GMDS: variants seen among roughly 807,000 people sequenced by gnomAD.
GMDS encodes the protein GDP-mannose 4,6-dehydratase, also known as GDP-mannose 4,6 dehydratase.
In GMDS, 20 loss-of-function variants were observed where a neutral mutation model predicts 49.9. The ratio of observed to expected loss-of-function variants is 0.40; its 90% CI spans 0.28 to 0.58. GMDS has a LOEUF of 0.58. GMDS is among the 20% of genes least tolerant of loss of function. The probability of loss-of-function intolerance (pLI) is 0.42; values close to 1 mark genes in which losing one functional copy is unlikely to be tolerated. For missense variants in GMDS, 362 were observed against 481.4 expected (o/e 0.75, Z 2.32); for synonymous variants, 177 against 178.6 (o/e 0.99, Z 0.07).
At chr6:1,922,615 C>G (rs1385611320) in intron 7 of GMDS, among the ~76,000 whole-genome samples, 1 of 152,178 alleles carries the variant, frequency 6.6e-6, no homozygotes, top group Non-Finnish European at 1.5e-5. Context: ...GATAGCCCGT[C>G]CTGTACCCCA....
At chr6:1,788,444 G>A (rs1769403143) in intron 7 of GMDS, among the ~76,000 whole-genome samples, 3 of 152,198 alleles carry the variant, frequency 2.0e-5, no homozygotes, top group Admixed American at 1.3e-4. Context: ...TTCATTCACA[G>A]GCTTTACTAT....
chr6:1,740,165 T>C (rs545736429), intron 8 of GMDS, among the ~76,000 whole-genome samples: 1 of 152,206 alleles, frequency 6.6e-6, no homozygotes. Flanking sequence ...GTTATTCACA[T>C]ATACAATATA....
intron 4 of GMDS, among the ~76,000 whole-genome samples, chr6:2,062,076 GACC>G (rs1170911333): frequency 6.6e-6 from 1 of 152,060 alleles, no homozygotes; most frequent in Admixed American, 6.6e-5. Flanking sequence ...ATATTTTCTT[GACC>G]ACAATTATGC....
At chr6:1,805,316 C>T (rs1475990687) in intron 7 of GMDS, among the ~76,000 whole-genome samples, 1 of 152,156 alleles carries the variant, frequency 6.6e-6, no homozygotes, top group Non-Finnish European at 1.5e-5. Flanking sequence ...CCAGGAGGAA[C>T]ATATCTTACT....
intron 4 of GMDS, among the ~76,000 whole-genome samples, chr6:1,991,564 C>G (rs1310289404): frequency 6.6e-6 from 1 of 152,170 alleles, no homozygotes; most frequent in Non-Finnish European, 1.5e-5. Context: ...TCCTGACTTT[C>G]CTGAGTGTTG....
chr6:2,232,344 C>A (rs1035275142), intron 1 of GMDS, among the ~76,000 whole-genome samples: 1 of 152,156 alleles, frequency 6.6e-6, no homozygotes, highest in Admixed American at 6.5e-5. Flanking sequence ...AAAGGGGGTA[C>A]AACAAACACT....
chr6:2,102,392 T>A (rs1014872233), intron 4 of GMDS, among the ~76,000 whole-genome samples: 24 of 152,230 alleles, frequency 1.6e-4, no homozygotes, highest in Non-Finnish European at 3.4e-4. Flanking sequence ...ATTAATATGC[T>A]GGTTTTTAAA....
At chr6:1,746,083 C>T (rs528375689) in intron 7 of GMDS, among the ~76,000 whole-genome samples, 26 of 152,296 alleles carry the variant, frequency 1.7e-4, no homozygotes, top group African/African-American at 5.3e-4. Context: ...AAAGTTCACC[C>T]GTTCTCACCT....
chr6:1,876,246 G>A (rs182031696), intron 7 of GMDS, among the ~76,000 whole-genome samples: 3 of 151,416 alleles, frequency 2.0e-5, no homozygotes, highest in Admixed American at 2.0e-4. Context: ...CAACAAGAGC[G>A]AAACTCTGTC....
chr6:1,939,596 CACATAT>C (rs886459659), intron 6 of GMDS, among the ~76,000 whole-genome samples: 7 of 84,132 alleles, frequency 8.3e-5, no homozygotes, highest in South Asian at 3.1e-4. Context: ...CACACACACA[CACATAT>C]ACACATACAC....
At chr6:1,681,168 CCCA>C (rs1764774811) in intron 9 of GMDS, among the ~76,000 whole-genome samples, 2 of 149,376 alleles carry the variant, frequency 1.3e-5, no homozygotes, top group Non-Finnish European at 3.0e-5. Context: ...ACACACCTCC[CCCA>C]CCGAGAGGCG....
chr6:1,671,163 T>A (rs1764408368), intron 9 of GMDS, among the ~76,000 whole-genome samples: 1 of 152,148 alleles, frequency 6.6e-6, no homozygotes, highest in African/African-American at 2.4e-5. Context: ...CAAGTGTCAA[T>A]CAGCGGCACT....
chr6:1,898,112 C>G lies in GMDS; in HGVS notation c.771+31991G>C, dbSNP rs112928357. Among the ~76,000 whole-genome samples the G allele has an allele frequency of 4.0e-3, 407 of 102,602 alleles. 32 individuals are homozygous for G. The highest frequency in any genetic ancestry group is 5.5e-3 in the Middle Eastern group (1 of 182). 67.3% of individuals were successfully genotyped at this position (102,602 alleles called of 152,430 possible). A position where few individuals can be genotyped will look rare whatever the true frequency, so the allele number is the denominator to read the frequency against. ...ATCCTGGACACCTATCCTGGCCTCC[C>G]TTGCCATCCTGGACACCTACCCTGG... On this transcript the variant is annotated intron_variant, in intron 7 of 10. Coordinates refer to ENST00000380815, the MANE Select transcript of GMDS (RefSeq NM_001500.4).
chr6:1,773,631 A>C (rs3800053), intron 7 of GMDS, among the ~76,000 whole-genome samples: 2 of 152,020 alleles, frequency 1.3e-5, no homozygotes, highest in Non-Finnish European at 2.9e-5. Context: ...GCTGAGCAGC[A>C]TCGATGGCTG....
chr6:1,833,048 C>T lies in GMDS; in HGVS notation c.772-90462G>A, dbSNP rs1268697705. 6.6e-6 allele frequency among the ~76,000 whole-genome samples: 1 copy of T among 151,492 alleles called. No individual in the cohort carries two copies. The highest frequency in any genetic ancestry group is 1.5e-5 in the Non-Finnish European group (1 of 67,916). The stretch of plus-strand genomic sequence containing the variant: ...CAGTTTTGTGGGGTTGGCCTCTGAT[C>T]ACTCACACAAAGGACGGAAAATTGC... On this transcript the variant is annotated intron_variant, in intron 7 of 10. Coordinates refer to ENST00000380815, the MANE Select transcript of GMDS (RefSeq NM_001500.4). The surrounding 1 kb of genome is among the most constrained non-coding windows in gnomAD (Gnocchi z 4.4).
At position 2,222,759 on chromosome 6, in the gene GMDS, C is replaced by T. The variant is rs543659403; in HGVS notation, c.102+22562G>A. On this transcript the variant is annotated intron_variant, in intron 1 of 10. Transcript: ENST00000380815. ...GGGGAAATCTGGACAGATACAAACA[C>T]GAGCAACATTGAGAAAGACAGTGAG... Among the ~76,000 whole-genome samples the T allele has an allele frequency of 2.6e-5, 4 of 152,232 alleles. No homozygotes were observed. In the South Asian group the frequency reaches 6.2e-4, roughly 24 times the overall value.
chr6:1,727,501 G>C (rs1766639231), intron 8 of GMDS, among the ~76,000 whole-genome samples: 1 of 152,012 alleles, frequency 6.6e-6, no homozygotes, highest in Non-Finnish European at 1.5e-5. Flanking sequence ...GAACTGGTTT[G>C]CATTATGAGC....
chr6:2,107,468 T>G (rs989072505), intron 4 of GMDS, among the ~76,000 whole-genome samples: 1 of 152,196 alleles, frequency 6.6e-6, no homozygotes, highest in African/African-American at 2.4e-5. Context: ...CTAGTCATAT[T>G]TACAATCGTG....
intron 6 of GMDS, among the ~76,000 whole-genome samples, chr6:1,931,961 G>C (rs1008184859): frequency 6.6e-6 from 1 of 152,234 alleles, no homozygotes; most frequent in Non-Finnish European, 1.5e-5. Context: ...ATCACAGAGA[G>C]GGTCAGGTGG....
Sources: allele counts gnomAD v4.1 joint callset (sites outside exome capture counted in the v4.1 genomes callset), GRCh38; gene constraint gnomAD v4.1.1; non-coding constraint Gnocchi (gnomAD v3.1); transcripts MANE v1.5; gene names NCBI Gene and HGNC (gene_info 2026-07-23, HGNC 2026-07-21).